CTTN: variants seen among roughly 807,000 people sequenced by gnomAD.
CTTN encodes src substrate cortactin.
Under a neutral mutation model 84.0 loss-of-function variants are expected in CTTN, and 28 were observed. That is an observed-to-expected ratio of 0.33 (90% CI 0.25 to 0.46). CTTN has a LOEUF of 0.46. CTTN is among the 20% of genes least tolerant of loss of function. CTTN has a pLI of 1.00. For synonymous variants in CTTN, 301 were observed against 288.8 expected (o/e 1.04, Z -0.43); for missense variants, 641 against 723.8 (o/e 0.89, Z 1.31).
rs898230143 is a variant in CTTN at position 70,417,199 on chromosome 11, G to A, written c.568+76G>A. ...ACGAGGGCATTTTCTCTCTGCACAC[G>A]TGATTGTTGTAGATTTTTTAACTGA... On this transcript the variant is annotated intron_variant, in intron 8 of 17. Transcript: ENST00000301843. 2.0e-5 allele frequency: 22 copies of A among 1,074,990 alleles called. 1 individual carries two copies. The highest frequency in any genetic ancestry group is 5.0e-5 in the South Asian group (4 of 80,024). 66.6% of individuals were successfully genotyped at this position (1,074,990 alleles called of 1,614,324 possible).
chr11:70,422,902 C>A (rs781596542), intron 11 of CTTN, 38 bp from the exon 12 acceptor site: 1 of 1,613,968 alleles, frequency 6.2e-7, no homozygotes, highest in Non-Finnish European at 8.5e-7. Context: ...ATGCTCGCCT[C>A]CACCTCAGAG....
At chr11:70,403,661 A>G (rs557389638) in intron 1 of CTTN, among the ~76,000 whole-genome samples, 4 of 152,280 alleles carry the variant, frequency 2.6e-5, no homozygotes, top group Non-Finnish European at 5.9e-5. Flanking sequence ...ACAAAAATTT[A>G]CACCCTTTTA....
At chr11:70,414,418 G>A in intron 5 of CTTN, 124 bp from the exon 6 acceptor site, 1 of 644,270 alleles carries the variant, frequency 1.6e-6, no homozygotes, top group African/African-American at 1.8e-5. Context: ...CCCCAGATGG[G>A]TGTGTTAATG....
intron 9 of CTTN, chr11:70,420,156 C>T (rs929470485): frequency 2.7e-5 from 16 of 596,062 alleles, no homozygotes; most frequent in African/African-American, 1.3e-4. Flanking sequence ...AAGCCGCATG[C>T]GTGGGAGCTT....
chr11:70,431,279 A>T lies in CTTN; in HGVS notation c.1265A>T (p.Glu422Val). ...EERLPSSPVY[E>V]DAASFKAELS... ...AGGCTGCCCTCGAGCCCCGTCTATG[A>T]GGTTGGTGTCTTTGGTGTTTGAATG... is the stretch of plus-strand genomic sequence containing the variant. Residue 422 changes from glutamate to valine, a missense_variant and splice_region_variant, in exon 15 of 18, where the codon GAG becomes GTG. Glu to Val is a moderately radical substitution (Grantham distance 121, BLOSUM62 -2). Transcript: ENST00000301843. 1 of 1,613,938 alleles carries T rather than the reference A, an allele frequency of 6.2e-7. No homozygotes were observed. The highest frequency in any genetic ancestry group is 8.5e-7 in the Non-Finnish European group (1 of 1,179,958).
In CTTN at chr11:70,435,272, T is replaced by TC. The variant is rs2058404379; in HGVS notation, c.*110_*111insC. 7.2e-7 allele frequency: 1 copy of TC among 1,393,990 alleles called. No homozygotes were observed. The highest frequency in any genetic ancestry group is 2.7e-5 in the East Asian group (1 of 37,268). 86.4% of individuals were successfully genotyped at this position (1,393,990 alleles called of 1,614,324 possible). ...TTTTCTGTTTTTTTTTTTTTTTTTTTTTTTTTGAAGGTGGGGAGGGGAATA... is the reference window on the plus strand; with the variant it reads ...TTTTCTGTTTTTTTTTTTTTTTTTTTCTTTTTTGAAGGTGGGGAGGGGAATA... On this transcript the variant is annotated 3_prime_UTR_variant, in exon 18 of 18. Coordinates refer to ENST00000301843, the MANE Select transcript of CTTN (RefSeq NM_005231.4).
chr11:70,415,010 G>A (rs1237572480), intron 6 of CTTN, among the ~76,000 whole-genome samples: 3 of 152,160 alleles, frequency 2.0e-5, no homozygotes, highest in African/African-American at 7.2e-5. Context: ...GGCAGGATGC[G>A]CTCGTGTCCA....
At chr11:70,431,107 G>C (rs924301278) in intron 14 of CTTN, 84 bp from the exon 15 acceptor site, 2 of 1,380,980 alleles carry the variant, frequency 1.4e-6, no homozygotes, top group Non-Finnish European at 2.1e-6. Context: ...CCTAGAGCTT[G>C]CACACGATCT....
At position 70,409,903 on chromosome 11, in the gene CTTN, A is replaced by G. The variant is rs2058080388; in HGVS notation, c.234A>G (p.Pro78=). Residue 78 remains proline, a synonymous_variant, in exon 5 of 18, where the codon CCA becomes CCG. Transcript: ENST00000301843. The part of the protein sequence containing the change: ...TLKEKELETG[P]KASHGYGGKF... ...AGGAGAAGGAACTTGAAACAGGACC[A>G]AAAGCTTCCCATGGCTATGGAGGGA... 2 of 1,614,152 alleles carry G rather than the reference A, an allele frequency of 1.2e-6. No homozygotes were observed. The highest frequency in any genetic ancestry group is 1.7e-6 in the Non-Finnish European group (2 of 1,180,010).
At position 70,436,200 on chromosome 11, in the gene CTTN, G is replaced by C. The variant is rs2058415535; in HGVS notation, c.*1038G>C. On this transcript the variant is annotated 3_prime_UTR_variant, in exon 18 of 18. Coordinates refer to ENST00000301843, the MANE Select transcript of CTTN (RefSeq NM_005231.4). ...TTGAAGGCTAGAAGTGTGAAGTGCA[G>C]ATGAGTGTGTGTTCTTCCCCAAGGT... 1.3e-6 allele frequency: 2 copies of C among 1,553,022 alleles called. No homozygotes were observed. Among genetic ancestry groups the C allele is most frequent in the Non-Finnish European group, 1.7e-6 (2 of 1,157,842 alleles).
At chr11:70,406,317 A>G (rs2058040751) in intron 2 of CTTN, among the ~76,000 whole-genome samples, 1 of 152,178 alleles carries the variant, frequency 6.6e-6, no homozygotes, top group Non-Finnish European at 1.5e-5. Flanking sequence ...CAAGCTGCGA[A>G]GGGGTTTTGT....
At chr11:70,431,985 C>T (rs988243195) in intron 15 of CTTN, among the ~76,000 whole-genome samples, 15 of 152,288 alleles carry the variant, frequency 9.8e-5, no homozygotes, top group South Asian at 2.1e-4. Flanking sequence ...CTGGTCTATG[C>T]ATTCATCTCT....
At position 70,409,961 on chromosome 11, in the gene CTTN, G is replaced by T; in HGVS notation, c.291+1G>T. ...TGTGGAACAAGACCGAATGGATAAGGTAAGTGGCCCGCGGCTGCCTATGCC... is the reference window on the plus strand; with the variant it reads ...TGTGGAACAAGACCGAATGGATAAGTTAAGTGGCCCGCGGCTGCCTATGCC... On this transcript the variant is annotated splice_donor_variant, in intron 5 of 17. Transcript: ENST00000301843. LOFTEE classifies it high-confidence loss of function. The T allele has an allele frequency of 6.2e-7, 1 of 1,613,906 alleles. No individual in the cohort carries two copies. Among genetic ancestry groups the T allele is most frequent in the Non-Finnish European group, 8.5e-7 (1 of 1,179,992 alleles).
chr11:70,427,972 T>A (rs2058316927), intron 13 of CTTN, among the ~76,000 whole-genome samples: 1 of 152,186 alleles, frequency 6.6e-6, no homozygotes, highest in South Asian at 2.1e-4. Flanking sequence ...AGAAAACTGT[T>A]GCCAGATACC....
intron 8 of CTTN, among the ~76,000 whole-genome samples, chr11:70,418,341 C>T (rs965555908): frequency 2.0e-5 from 3 of 152,248 alleles, no homozygotes; most frequent in African/African-American, 7.2e-5. Flanking sequence ...ACAGTCCATT[C>T]CTCCTCTTCC....
intron 13 of CTTN, 50 bp downstream of exon 13, chr11:70,425,451 C>G: frequency 1.4e-6 from 2 of 1,428,586 alleles, no homozygotes; most frequent in Non-Finnish European, 2.0e-6. Context: ...CAGGAAAACA[C>G]TGAGGGGAAG....
intron 14 of CTTN, among the ~76,000 whole-genome samples, 167 bp downstream of exon 14, chr11:70,429,366 G>T (rs1273081231): frequency 6.6e-6 from 1 of 152,170 alleles, no homozygotes; most frequent in Non-Finnish European, 1.5e-5. Flanking sequence ...GTCACTTGCA[G>T]CCACACATAG....
intron 12 of CTTN, among the ~76,000 whole-genome samples, chr11:70,423,671 T>G (rs592501): frequency 0.22 from 33,713 of 151,722 alleles, 4,025 homozygotes; most frequent in South Asian, 0.28. Flanking sequence ...TGGGCCTGGG[T>G]GGGACAGGAG....
In CTTN at chr11:70,398,548, G is replaced by C. The variant is rs2135537794; in HGVS notation, c.-164G>C. 6.6e-6 allele frequency: 1 copy of C among 152,190 alleles called. No homozygotes were observed. 9.4% of individuals were successfully genotyped at this position (152,190 alleles called of 1,614,324 possible). ...GCCCTCGGAACCGGAAGTAGAGCCT[G>C]GTGCCTGGGAGCGGCTGGCGCGGCG... is the stretch of plus-strand genomic sequence containing the variant. On this transcript the variant is annotated 5_prime_UTR_variant, in exon 1 of 18. Transcript: ENST00000301843.
Sources: allele counts gnomAD v4.1 joint callset (sites outside exome capture counted in the v4.1 genomes callset), GRCh38; gene constraint gnomAD v4.1.1; transcripts MANE v1.5; gene names NCBI Gene and HGNC (gene_info 2026-07-23, HGNC 2026-07-21).